The following DPP6 variants were observed in gnomAD, a reference collection of about 807,000 sequenced individuals.
The protein encoded by DPP6 is A-type potassium channel modulatory protein DPP6.
Under a neutral mutation model 122.6 loss-of-function variants are expected in DPP6, and 69 were observed. The observed-to-expected ratio is 0.56, with a 90% CI of 0.46 to 0.69. The LOEUF (loss-of-function observed/expected upper bound fraction) is 0.69, where lower values mean the gene tolerates loss of function less well. DPP6 is among the 30% of genes least tolerant of loss of function. The pLI is 0.00. For synonymous variants in DPP6, 418 were observed against 433.1 expected (o/e 0.97, Z 0.43); for missense variants, 928 against 1,116.9 (o/e 0.83, Z 2.41).
the DPP6 span, among the ~76,000 whole-genome samples, chr7:153,863,278 G>A: frequency 6.6e-6 from 1 of 152,016 alleles, no homozygotes; most frequent in East Asian, 1.9e-4. Context: ...CCTTTTTTAT[G>A]GCTGCATAGT....
In DPP6 at chr7:153,920,308, T is replaced by C. The variant is rs576073237; in HGVS notation, c.51+32574T>C. Among the ~76,000 whole-genome samples the C allele has an allele frequency of 8.5e-5, 13 of 152,320 alleles. 1 individual carries two copies. In the South Asian group the frequency reaches 2.7e-3, roughly 32 times the overall value. The stretch of plus-strand genomic sequence containing the variant: ...TTCCTGTGTCCGGGTCTTCCCAGAA[T>C]TGGCTGAGAGAACCGACAAGCAACT... On this transcript the variant is annotated intron_variant, in intron 1 of 25. Transcript: ENST00000404039.
At chr7:154,161,279 G>A (rs866491188) in intron 1 of DPP6, among the ~76,000 whole-genome samples, 3,002 of 148,702 alleles carry the variant, frequency 0.02, 14 homozygotes, top group African/African-American at 0.074. Flanking sequence ...GGTGGATCAC[G>A]TGAGGTCAGG....
intron 1 of DPP6, among the ~76,000 whole-genome samples, chr7:154,245,444 G>A (rs1385890186): frequency 6.6e-6 from 1 of 150,922 alleles, no homozygotes; most frequent in African/African-American, 2.4e-5. Context: ...AGACAAGCCT[G>A]GCCAACATGG....
At chr7:153,904,979 G>T (rs757507495) in intron 1 of DPP6, among the ~76,000 whole-genome samples, 2 of 152,220 alleles carry the variant, frequency 1.3e-5, no homozygotes, top group South Asian at 2.1e-4. Context: ...GTGGACAGCT[G>T]TGTGGAAATA....
chr7:154,116,388 CT>C (rs1334651317), intron 1 of DPP6, among the ~76,000 whole-genome samples: 2 of 152,182 alleles, frequency 1.3e-5, no homozygotes, highest in Admixed American at 1.3e-4. Context: ...ACACCCCTTG[CT>C]CAAGGAAAGG....
the DPP6 span, among the ~76,000 whole-genome samples, chr7:153,881,993 C>A: frequency 6.4e-4 from 97 of 152,302 alleles, no homozygotes; most frequent in African/African-American, 2.2e-3. Flanking sequence ...GTGAGATCCT[C>A]AAGGACAGGG....
Position 154,528,412 on chromosome 7 carries a change from C to T in DPP6, c.458-12120C>T, listed in dbSNP as rs544179643. On this transcript the variant is annotated intron_variant, in intron 3 of 25. Transcript: ENST00000377770. ...TGACAAAAAAGAAACACCATGCCTACGCCTCCGTCCTTACTCCACCTCTGT... is the reference window on the plus strand; with the variant it reads ...TGACAAAAAAGAAACACCATGCCTATGCCTCCGTCCTTACTCCACCTCTGT... 1.5e-4 allele frequency among the ~76,000 whole-genome samples: 23 copies of T among 152,320 alleles called. 1 individual carries two copies. The highest frequency in any genetic ancestry group is 6.8e-3 in the Middle Eastern group (2 of 294).
intron 1 of DPP6, among the ~76,000 whole-genome samples, chr7:154,277,827 T>C (rs1170164892): frequency 6.6e-6 from 1 of 152,216 alleles, no homozygotes; most frequent in African/African-American, 2.4e-5. Context: ...GCTCCAGCAG[T>C]TCTGAATCAC....
chr7:154,475,349 G>T (rs1373402133), intron 3 of DPP6: 3 of 372,890 alleles, frequency 8.0e-6, no homozygotes, highest in Admixed American at 3.8e-5. Context: ...GAGCTGTGGG[G>T]TGTTGCTTAG....
chr7:154,589,400 C>G (rs1832671955), intron 5 of DPP6, among the ~76,000 whole-genome samples: 1 of 152,192 alleles, frequency 6.6e-6, no homozygotes, highest in Non-Finnish European at 1.5e-5. Context: ...TTACTTTCTT[C>G]CCAGGCTGGG....
At chr7:153,848,420 A>G in the DPP6 span, among the ~76,000 whole-genome samples, 1 of 152,130 alleles carries the variant, frequency 6.6e-6, no homozygotes, top group Non-Finnish European at 1.5e-5. Flanking sequence ...GCCTTTTGCC[A>G]TAATTTTCTT....
At chr7:153,908,368 A>G (rs1799939579) in intron 1 of DPP6, among the ~76,000 whole-genome samples, 1 of 152,176 alleles carries the variant, frequency 6.6e-6, no homozygotes, top group Non-Finnish European at 1.5e-5. Flanking sequence ...AATTCAGACC[A>G]CAGCTGGATA....
chr7:154,073,705 A>C (rs1296612189), intron 1 of DPP6, among the ~76,000 whole-genome samples: 1 of 152,250 alleles, frequency 6.6e-6, no homozygotes, highest in Admixed American at 6.5e-5. Flanking sequence ...TTAGTTTTAC[A>C]TCCTTGGCAT....
chr7:154,572,661 C>T (rs1489319751), intron 5 of DPP6, among the ~76,000 whole-genome samples: 1 of 148,694 alleles, frequency 6.7e-6, no homozygotes, highest in Non-Finnish European at 1.5e-5. Context: ...GCATTACAGG[C>T]ACCCGCCACC....
intron 1 of DPP6, among the ~76,000 whole-genome samples, chr7:154,407,617 T>G (rs552841414): frequency 6.6e-6 from 1 of 152,306 alleles, no homozygotes; most frequent in East Asian, 1.9e-4. Flanking sequence ...TCCTTTTGAA[T>G]CCCAATTTAA....
chr7:154,030,083 G>C (rs947183512), intron 1 of DPP6, among the ~76,000 whole-genome samples: 6 of 152,112 alleles, frequency 3.9e-5, no homozygotes, highest in South Asian at 2.1e-4. Context: ...GTAGTTCCAA[G>C]TACTCAGGAG....
chr7:154,773,255 C>G (rs1490295128), intron 10 of DPP6, among the ~76,000 whole-genome samples: 1 of 152,158 alleles, frequency 6.6e-6, no homozygotes, highest in Non-Finnish European at 1.5e-5. Flanking sequence ...ATGCGGTCTT[C>G]CCAAGACAAT....
At chr7:153,786,663 C>T in the DPP6 span, among the ~76,000 whole-genome samples, 15 of 141,978 alleles carry the variant, frequency 1.1e-4, no homozygotes, top group African/African-American at 2.6e-4. Flanking sequence ...GGCGTGAACC[C>T]GGGAGGCGGA....
chr7:154,383,984 C>T (rs762049215), intron 1 of DPP6, among the ~76,000 whole-genome samples: 1 of 152,070 alleles, frequency 6.6e-6, no homozygotes, highest in Non-Finnish European at 1.5e-5. Flanking sequence ...CTGCAAGAGC[C>T]TGAGTCTGCC....
Sources: allele counts gnomAD v4.1 joint callset (sites outside exome capture counted in the v4.1 genomes callset), GRCh38; gene constraint gnomAD v4.1.1; transcripts MANE v1.5; gene names NCBI Gene and HGNC (gene_info 2026-07-23, HGNC 2026-07-21).